The following RTF2 variants were observed in gnomAD, a reference collection of about 807,000 sequenced individuals.
The protein encoded by RTF2 is replication termination factor 2.
In RTF2, 18 loss-of-function variants were observed where a neutral mutation model predicts 38.0. That is an observed-to-expected ratio of 0.47 (90% CI 0.33 to 0.70). The LOEUF (loss-of-function observed/expected upper bound fraction) is 0.70, where lower values mean the gene tolerates loss of function less well. RTF2 is among the 30% of genes least tolerant of loss of function. The probability of loss-of-function intolerance (pLI) is 0.02; values close to 1 mark genes in which losing one functional copy is unlikely to be tolerated. For missense variants in RTF2, 311 were observed against 379.6 expected (o/e 0.82, Z 1.50); for synonymous variants, 126 against 137.1 (o/e 0.92, Z 0.57).
At chr20:56,470,948 A>G in intron 1 of RTF2, 1 of 239,164 alleles carries the variant, frequency 4.2e-6, no homozygotes, top group Non-Finnish European at 8.9e-6. Flanking sequence ...AATGGTAACT[A>G]AACTCTTTCC....
chr20:56,472,736 G>A (rs1466357186), intron 1 of RTF2, among the ~76,000 whole-genome samples: 1 of 151,832 alleles, frequency 6.6e-6, no homozygotes, highest in Non-Finnish European at 1.5e-5. Context: ...ATATTTGTAT[G>A]TGGCTTGCAT....
At chr20:56,487,521 T>C (rs1351658528) in intron 5 of RTF2, among the ~76,000 whole-genome samples, 2 of 152,230 alleles carry the variant, frequency 1.3e-5, no homozygotes, top group African/African-American at 4.8e-5. Context: ...CTGGTTGAAA[T>C]TCAGGAATAC....
At chr20:56,497,055 A>AT in intron 5 of RTF2, 1 of 1,551,680 alleles carries the variant, frequency 6.4e-7, no homozygotes, top group Non-Finnish European at 8.7e-7. Context: ...CATACAATTA[A>AT]TATCTGCCTG....
At chr20:56,516,773 T>C (rs1407010846) in intron 6 of RTF2, 162 bp from the exon 7 acceptor site, 3 of 689,802 alleles carry the variant, frequency 4.3e-6, no homozygotes, top group Non-Finnish European at 5.2e-6. Flanking sequence ...GTGAAGGCTT[T>C]AGGAGTTACG....
At chr20:56,517,329 G>T in intron 8 of RTF2, 128 bp downstream of exon 8, 5 of 706,034 alleles carry the variant, frequency 7.1e-6, no homozygotes, top group Non-Finnish European at 1.2e-5. Context: ...TCTAGAGAGT[G>T]CACTGAACTC....
intron 6 of RTF2, 78 bp from the exon 7 acceptor site, chr20:56,516,857 G>A (rs1985073126): frequency 1.2e-5 from 16 of 1,371,612 alleles, no homozygotes; most frequent in East Asian, 4.6e-5. Flanking sequence ...CAGGGCACCC[G>A]GGACAATGGG....
chr20:56,493,071 G>T (rs1983274993), intron 5 of RTF2, among the ~76,000 whole-genome samples: 1 of 152,104 alleles, frequency 6.6e-6, no homozygotes. Context: ...AGCCACTCAG[G>T]AGGCTGAGGC....
At chr20:56,472,474 G>A (rs1383919322) in intron 1 of RTF2, 1 of 998,696 alleles carries the variant, frequency 1.0e-6, no homozygotes, top group East Asian at 2.6e-5. Context: ...TTTCATACTG[G>A]GGATAAAGTT....
At chr20:56,516,587 GT>G (rs1371493201) in intron 6 of RTF2, 16 of 329,354 alleles carry the variant, frequency 4.9e-5, no homozygotes, top group African/African-American at 3.2e-4. Flanking sequence ...ACTCATTTAA[GT>G]GCGCTTTTGT....
intron 3 of RTF2, 58 bp from the exon 4 acceptor site, chr20:56,476,927 A>C: frequency 6.4e-7 from 1 of 1,572,718 alleles, no homozygotes; most frequent in Non-Finnish European, 8.7e-7. Context: ...TACGTGGTTA[A>C]GGCAAAGGAT....
chr20:56,474,776 C>T lies in RTF2; in HGVS notation c.258+5C>T, dbSNP rs1312214656. 1 of 1,572,182 alleles carries T rather than the reference C, an allele frequency of 6.4e-7. No homozygotes were observed. Among genetic ancestry groups the T allele is most frequent in the African/African-American group, 1.4e-5 (1 of 73,786 alleles). On this transcript the variant is annotated splice_donor_5th_base_variant and intron_variant, in intron 3 of 8. Coordinates refer to ENST00000357348, the MANE Select transcript of RTF2 (RefSeq NM_016407.5). ...TCTCACATTAAAAGCATTAAGGTAA[C>T]ACGAGTGATTCTGAAGTGCTGTGAG...
intron 6 of RTF2, chr20:56,515,571 C>G (rs1984969733): frequency 1.3e-5 from 1 of 77,704 alleles, no homozygotes; most frequent in African/African-American, 5.0e-5. Context: ...GATTCTGTCT[C>G]AGACAGAGAG....
intron 5 of RTF2, among the ~76,000 whole-genome samples, chr20:56,485,194 G>T (rs1439459318): frequency 6.6e-6 from 1 of 152,120 alleles, no homozygotes; most frequent in Non-Finnish European, 1.5e-5. Context: ...GTGGTGGTCG[G>T]CAGAGGCATA....
Sources: gnomAD v4.1 joint callset for allele counts (sites outside exome capture counted in the v4.1 genomes callset) on GRCh38, gnomAD v4.1.1 for gene constraint, MANE v1.5 for transcripts, NCBI Gene and HGNC (gene_info 2026-07-23, HGNC 2026-07-21) for gene names.